Variants in DOC2A observed in about 807,000 individuals in gnomAD.
The protein encoded by DOC2A is double C2 domain alpha.
Under a neutral mutation model 40.6 loss-of-function variants are expected in DOC2A, and 28 were observed. The observed-to-expected ratio is 0.69, with a 90% CI of 0.51 to 0.95. DOC2A has a LOEUF of 0.95. Ranked by LOEUF, DOC2A falls within the 40% of genes least tolerant of loss-of-function variation. DOC2A has a pLI of 0.00. For synonymous variants in DOC2A, 241 were observed against 236.9 expected, an observed-to-expected ratio of 1.02 and a Z score of -0.16; for missense variants, 474 against 552.5, an observed-to-expected ratio of 0.86 and a Z score of 1.42.
In DOC2A at chr16:30,010,385, TG is replaced by T; in HGVS notation, c.-13-151del. The stretch of plus-strand genomic sequence containing the variant: ...GTGGTGTGTGCCAGCCGGTGGCAGG[TG>T]GGAGGCCTGGGCCCTGCAGACCCCA... On this transcript the variant is annotated intron_variant, in intron 1 of 10. Transcript: ENST00000350119. The surrounding 1 kb of genome is among the most constrained non-coding windows in gnomAD (Gnocchi z 4.2). 9.5e-7 allele frequency: 1 copy of T among 1,054,028 alleles called. No homozygotes were observed. Among genetic ancestry groups the T allele is most frequent in the Non-Finnish European group, 1.4e-6 (1 of 707,116 alleles). The allele number at this position is 1,054,028 out of a possible 1,614,324, so 65.3% of individuals were successfully genotyped here.
Position 30,006,144 on chromosome 16 carries a change from G to T in DOC2A, c.*42C>A. On this transcript the variant is annotated 3_prime_UTR_variant, in exon 11 of 11. Coordinates refer to ENST00000350119, the MANE Select transcript of DOC2A (RefSeq NM_003586.3). This position sits in a 1 kb window ranked among gnomAD's most constrained non-coding sequence, Gnocchi z 6.2. Reference sequence around the variant, plus strand: ...CACACTCGTGCGAAGGTTGGGTACTGGACCCGGCTCGATGGGCCTGTGCCG... The same window carrying T: ...CACACTCGTGCGAAGGTTGGGTACTTGACCCGGCTCGATGGGCCTGTGCCG... 1 of 1,547,884 alleles carries T rather than the reference G, an allele frequency of 6.5e-7. No homozygotes were observed.
At position 30,006,812 on chromosome 16, in the gene DOC2A, T is replaced by C. The variant is rs745632160; in HGVS notation, c.851A>G (p.Asn284Ser). 1.8e-5 allele frequency: 29 copies of C among 1,613,706 alleles called. No homozygotes were observed. The highest frequency in any genetic ancestry group is 1.6e-4 in the Middle Eastern group (1 of 6,084). ...RCAHLAAMDV[N>S]GYSDPYVKTY... ...CTTGACGTAGGGGTCCGAGTAACCG[T>C]TGACGTCCATGGCAGCCAGATGGGC... Residue 284 changes from asparagine to serine, a missense_variant, in exon 8 of 11, where the codon AAC becomes AGC. Physicochemically the swap from Asn to Ser is conservative, Grantham distance 46. Transcript: ENST00000350119. This position sits in a 1 kb window ranked among gnomAD's most constrained non-coding sequence, Gnocchi z 6.2.
At position 30,010,566 on chromosome 16, in the gene DOC2A, T is replaced by G; in HGVS notation, c.-13-331A>C. On this transcript the variant is annotated intron_variant, in intron 1 of 10. Transcript: ENST00000350119. The surrounding 1 kb of genome is among the most constrained non-coding windows in gnomAD (Gnocchi z 4.2). ...GCTCCCCTCTGCTCCTGAGCCTGCCTGTCCCCCAAGGGGCCCTGCAGGGCC... is the reference window on the plus strand; with the variant it reads ...GCTCCCCTCTGCTCCTGAGCCTGCCGGTCCCCCAAGGGGCCCTGCAGGGCC... 2.6e-6 allele frequency: 1 copy of G among 384,050 alleles called. No homozygotes were observed. The highest frequency in any genetic ancestry group is 2.1e-5 in the African/African-American group (1 of 48,150). The allele number at this position is 384,050 out of a possible 1,614,324, so 23.8% of individuals were successfully genotyped here. A position where few individuals can be genotyped will look rare whatever the true frequency, so the allele number is the denominator to read the frequency against.
Position 30,005,943 on chromosome 16 carries a change from G to T in DOC2A, c.*243C>A. ...GGGGCCGGGCTCTGAGCACTGCCCG[G>T]GTGTGCAGATGATGGGGGGTTTGCA... is the stretch of plus-strand genomic sequence containing the variant. On this transcript the variant is annotated 3_prime_UTR_variant, in exon 11 of 11. Transcript: ENST00000350119. The T allele has an allele frequency of 1.7e-6, 1 of 584,928 alleles. No homozygotes were observed. The highest frequency in any genetic ancestry group is 2.9e-5 in the East Asian group (1 of 34,294). The allele number at this position is 584,928 out of a possible 1,614,324, so 36.2% of individuals were successfully genotyped here.
At chr16:30,020,616 G>T (rs1464561875) in intron 1 of DOC2A, among the ~76,000 whole-genome samples, 1 of 152,056 alleles carries the variant, frequency 6.6e-6, no homozygotes, top group Non-Finnish European at 1.5e-5. Flanking sequence ...GCCGCGGAGG[G>T]CAGATCACTT....
Position 30,006,440 on chromosome 16 carries a change from CAT to C in DOC2A, c.1028_1029del (p.Tyr343Ter). 1 of 1,613,762 alleles carries C rather than the reference CAT, an allele frequency of 6.2e-7. No individual in the cohort carries two copies. The highest frequency in any genetic ancestry group is 8.5e-7 in the Non-Finnish European group (1 of 1,179,956). On this transcript the variant is annotated frameshift_variant, in exon 10 of 11. Coordinates refer to ENST00000350119, the MANE Select transcript of DOC2A (RefSeq NM_003586.3). LOFTEE classifies it high-confidence loss of function. The surrounding 1 kb of genome is among the most constrained non-coding windows in gnomAD (Gnocchi z 6.2). ...TKTLEVTVWDYDIGKSNDFIG... is the reference protein window; with the variant it reads ...TKTLEVTVWDXDIGKSNDFIG... Reference sequence around the variant, plus strand: ...ATGAAGTCATTGGATTTGCCAATGTCATAGTCCCAGACGGTGACTTCCAGGGT... The same window carrying C: ...ATGAAGTCATTGGATTTGCCAATGTCAGTCCCAGACGGTGACTTCCAGGGT...
At chr16:30,014,096 A>G (rs1259370230), upstream of DOC2A, among the ~76,000 whole-genome samples, 5 of 152,022 alleles carry the variant, frequency 3.3e-5, no homozygotes, top group Non-Finnish European at 7.4e-5. Context: ...GACCAGTTAA[A>G]TCAGTCATGA....
At position 30,006,245 on chromosome 16, in the gene DOC2A, G is replaced by A. The variant is rs200262965; in HGVS notation, c.1144C>T (p.Arg382Cys). The A allele has an allele frequency of 6.3e-4, 1,011 of 1,593,786 alleles. 1 individual carries two copies. The highest frequency in any genetic ancestry group is 8.2e-4 in the Non-Finnish European group (964 of 1,171,288). ...AGCTCACTGGTCAGGGTGTGCCAGC[G>A]CTCCAGGGCTGCGTCCGGCTGCTGC... ...CLQQPDAALE[R>C]WHTLTSELPP... Residue 382 changes from arginine to cysteine, a missense_variant, in exon 11 of 11, where the codon CGC (arginine) becomes TGC (cysteine). By Grantham distance (180) the Arg-to-Cys change is radical. Coordinates refer to ENST00000350119, the MANE Select transcript of DOC2A (RefSeq NM_003586.3). The surrounding 1 kb of genome is among the most constrained non-coding windows in gnomAD (Gnocchi z 6.2).
rs368233280 is a variant in DOC2A at position 30,006,731 on chromosome 16, A to C, written c.878+54T>G. ...GAGGGGTGAGGGACAGGCCAGGCCC[A>C]ACTCAGGCCAGGGCAGGCTCCCTGG... On this transcript the variant is annotated intron_variant, in intron 8 of 10. Coordinates refer to ENST00000350119, the MANE Select transcript of DOC2A (RefSeq NM_003586.3). The surrounding 1 kb of genome is among the most constrained non-coding windows in gnomAD (Gnocchi z 6.2). 3,605 of 1,613,626 alleles carry C rather than the reference A, an allele frequency of 2.2e-3. 7 individuals are homozygous for C. Among genetic ancestry groups the C allele is most frequent in the Middle Eastern group, 4.5e-3 (27 of 6,062 alleles).
At position 30,010,980 on chromosome 16, in the gene DOC2A, CG is replaced by C. The variant is rs967748631; in HGVS notation, c.-92del. On this transcript the variant is annotated 5_prime_UTR_variant, in exon 1 of 11. Transcript: ENST00000350119. This position sits in a 1 kb window ranked among gnomAD's most constrained non-coding sequence, Gnocchi z 4.2. ...GCGGCGGCGGCCGGCGAGGAGAGCG[CG>C]GAGTCGAGCTGTGCGAGCCGAGAGG... 1.0e-6 allele frequency: 1 copy of C among 1,002,530 alleles called. No individual in the cohort carries two copies. Among genetic ancestry groups the C allele is most frequent in the African/African-American group, 1.7e-5 (1 of 57,242 alleles). The allele number at this position is 1,002,530 out of a possible 1,614,324, so 62.1% of individuals were successfully genotyped here. A position where few individuals can be genotyped will look rare whatever the true frequency, so the allele number is the denominator to read the frequency against.
At chr16:30,011,463 C>A (rs1596709569), upstream of DOC2A, 11 of 971,562 alleles carry the variant, frequency 1.1e-5, no homozygotes, top group Non-Finnish European at 1.3e-5. Flanking sequence ...CCCGCGCGCG[C>A]GGCCACGGCG....
chr16:30,016,337 C>T (rs544446702), upstream of DOC2A, among the ~76,000 whole-genome samples: 2 of 152,206 alleles, frequency 1.3e-5, no homozygotes, highest in Admixed American at 6.5e-5. Context: ...GCATGAGCCA[C>T]TGCACCCGGC....
At chr16:30,022,289 C>G (rs1243943684), upstream of DOC2A, among the ~76,000 whole-genome samples, 1 of 140,086 alleles carries the variant, frequency 7.1e-6, no homozygotes, top group East Asian at 2.2e-4. Flanking sequence ...GTACCTGCCT[C>G]TGAGGGTCAG....
At chr16:30,015,443 G>A (rs1283746996), upstream of DOC2A, among the ~76,000 whole-genome samples, 1 of 152,146 alleles carries the variant, frequency 6.6e-6, no homozygotes, top group Non-Finnish European at 1.5e-5. Context: ...ACACTCCTGA[G>A]TAGCTGGGAT....
chr16:30,016,373 G>T (rs12444108), upstream of DOC2A, among the ~76,000 whole-genome samples: 1 of 151,910 alleles, frequency 6.6e-6, no homozygotes, highest in East Asian at 1.9e-4. Context: ...AAAGGCAACC[G>T]TTAGGTTTCC....
Position 30,010,037 on chromosome 16 carries a change from G to A in DOC2A, c.186C>T (p.Ala62=). 2 of 1,612,078 alleles carry A rather than the reference G, an allele frequency of 1.2e-6. No individual in the cohort carries two copies. The highest frequency in any genetic ancestry group is 1.9e-4 in the Middle Eastern group (1 of 5,372). The change falls in exon 2 of 11, where the codon GCC becomes GCT. Residue 62 remains alanine (A), a synonymous_variant. Coordinates refer to ENST00000350119, the MANE Select transcript of DOC2A (RefSeq NM_003586.3). This position sits in a 1 kb window ranked among gnomAD's most constrained non-coding sequence, Gnocchi z 4.2. ...APAHLVPLAL[A]PPAALLGATT... ...TGGCCCCAAGGAGGGCTGCAGGGGG[G>A]GCCAGAGCCAGGGGGACCAGATGGG... is the stretch of plus-strand genomic sequence containing the variant.
At chr16:30,019,217 C>G (rs950718374) in intron 1 of DOC2A, among the ~76,000 whole-genome samples, 2 of 152,072 alleles carry the variant, frequency 1.3e-5, no homozygotes, top group Non-Finnish European at 2.9e-5. Context: ...ACTCAGGAGG[C>G]CGAAGTGGGA....
chr16:30,022,632 C>G (rs1398376756), upstream of DOC2A, among the ~76,000 whole-genome samples: 1 of 152,084 alleles, frequency 6.6e-6, no homozygotes, highest in Non-Finnish European at 1.5e-5. Context: ...CCACTGTACT[C>G]CAGCCTGGGT....
intron 1 of DOC2A, among the ~76,000 whole-genome samples, chr16:30,020,275 C>T (rs1218818839): frequency 6.6e-6 from 1 of 152,062 alleles, no homozygotes; most frequent in Non-Finnish European, 1.5e-5. Flanking sequence ...AACTCCTGGC[C>T]TCAAGTGATC....
Sources: gnomAD v4.1 joint callset for allele counts (sites outside exome capture counted in the v4.1 genomes callset) on GRCh38, gnomAD v4.1.1 for gene constraint, Gnocchi (gnomAD v3.1) non-coding constraint, MANE v1.5 for transcripts, NCBI Gene and HGNC (gene_info 2026-07-23, HGNC 2026-07-21) for gene names.